Variants in PACRG observed in about 807,000 individuals in gnomAD.
PACRG encodes the protein parkin coregulated.
PACRG carries 29 observed loss-of-function variants against 29.7 expected under a neutral mutation model. That is an observed-to-expected ratio of 0.98 (90% CI 0.73 to 1.33). PACRG has a LOEUF of 1.33. PACRG is among the 40% of genes most tolerant of loss of function. The probability of loss-of-function intolerance (pLI) is 0.00; values close to 1 mark genes in which losing one functional copy is unlikely to be tolerated. For synonymous variants in PACRG, 116 were observed against 118.7 expected, an observed-to-expected ratio of 0.98 and a Z score of 0.15; for missense variants, 279 against 316.2, an observed-to-expected ratio of 0.88 and a Z score of 0.89.
Position 162,790,012 on chromosome 6 carries a change from A to G in PACRG, c.157-24135A>G, listed in dbSNP as rs552666826. ...ATTTCCAAGTACTGATTTTAGAACT[A>G]GATCTCAAATAGTAGGCAATTTTTG... On this transcript the variant is annotated intron_variant, in intron 1 of 4. Transcript: ENST00000366888. 2.0e-5 allele frequency among the ~76,000 whole-genome samples: 3 copies of G among 152,326 alleles called. No individual in the cohort carries two copies. In the East Asian group the frequency reaches 5.8e-4, roughly 29 times the overall value.
chr6:163,094,565 C>T (rs1167398467), intron 4 of PACRG, among the ~76,000 whole-genome samples: 2 of 152,094 alleles, frequency 1.3e-5, no homozygotes, highest in African/African-American at 4.8e-5. Flanking sequence ...TCCAATTTAC[C>T]AAACTAATCA....
rs141353009 is a variant in PACRG, at chr6:163,303,744, C to T, written c.614-11083C>T. Among the ~76,000 whole-genome samples the T allele has an allele frequency of 3.0e-3, 453 of 152,168 alleles. 1 individual carries two copies. The highest frequency in any genetic ancestry group is 0.01 in the African/African-American group (425 of 41,518). The stretch of plus-strand genomic sequence containing the variant: ...GTAAATGGGACCAGGTGCAGTGGCT[C>T]ATGCCTGTAATCCCAGCACTTTGGG... On this transcript the variant is annotated intron_variant, in intron 4 of 4. Transcript: ENST00000366888.
At chr6:163,233,975 G>A (rs1421270421) in intron 4 of PACRG, among the ~76,000 whole-genome samples, 1 of 152,200 alleles carries the variant, frequency 6.6e-6, no homozygotes, top group Admixed American at 6.5e-5. Context: ...AATAAGAAAT[G>A]CCTGGTGGGA....
At chr6:163,272,930 C>T (rs1310441011) in intron 4 of PACRG, among the ~76,000 whole-genome samples, 3 of 99,800 alleles carry the variant, frequency 3.0e-5, no homozygotes, top group African/African-American at 9.4e-5. Flanking sequence ...CTTGCTCTGT[C>T]GCCCAGGCTG....
chr6:162,779,128 G>A lies in PACRG; in HGVS notation c.157-35019G>A, dbSNP rs139188487. Among the ~76,000 whole-genome samples the A allele has an allele frequency of 2.8e-3, 421 of 152,246 alleles. 2 individuals are homozygous for A. The highest frequency in any genetic ancestry group is 9.6e-3 in the African/African-American group (400 of 41,550). Reference sequence around the variant, plus strand: ...CTCCGACTTATAAGCAAGAACACGCGGTGTTTGGTTTTCTGTTCCTGCGTT... The same window carrying A: ...CTCCGACTTATAAGCAAGAACACGCAGTGTTTGGTTTTCTGTTCCTGCGTT... On this transcript the variant is annotated intron_variant, in intron 1 of 4. Transcript: ENST00000366888.
chr6:163,172,437 A>G (rs1408537139), intron 4 of PACRG, among the ~76,000 whole-genome samples: 2 of 152,220 alleles, frequency 1.3e-5, no homozygotes, highest in Non-Finnish European at 2.9e-5. Flanking sequence ...CCCCAGAGAA[A>G]GCCTCTTTGA....
In PACRG at chr6:162,964,805, C is replaced by T. The variant is rs559127963; in HGVS notation, c.292-97345C>T. ...AGTGACTCACTAAGTCACTGACCCC[C>T]AGGATCAGAATTATGGGTTTAGAAA... On this transcript the variant is annotated intron_variant, in intron 2 of 4. Coordinates refer to ENST00000366888, the MANE Select transcript of PACRG (RefSeq NM_001080379.2). 8.5e-5 allele frequency among the ~76,000 whole-genome samples: 13 copies of T among 152,302 alleles called. 1 individual carries two copies. The highest frequency in any genetic ancestry group is 8.5e-4 in the Admixed American group (13 of 15,308).
At chr6:162,944,006 G>T (rs1006530566) in intron 2 of PACRG, among the ~76,000 whole-genome samples, 1 of 152,148 alleles carries the variant, frequency 6.6e-6, no homozygotes, top group Non-Finnish European at 1.5e-5. Flanking sequence ...GCCACCTGGA[G>T]GCCCAAGAAT....
At chr6:162,765,141 T>C (rs564677857) in intron 1 of PACRG, among the ~76,000 whole-genome samples, 3 of 152,252 alleles carry the variant, frequency 2.0e-5, no homozygotes, top group East Asian at 1.9e-4. Flanking sequence ...TTCATAAATC[T>C]ATTATCTATC....
intron 4 of PACRG, among the ~76,000 whole-genome samples, chr6:163,132,847 A>G (rs1020544068): frequency 2.6e-5 from 4 of 152,210 alleles, no homozygotes; most frequent in Non-Finnish European, 4.4e-5. Flanking sequence ...AATAACATCA[A>G]TTGGATGTGC....
chr6:163,245,891 G>A (rs564479042), intron 4 of PACRG, among the ~76,000 whole-genome samples: 3 of 152,246 alleles, frequency 2.0e-5, no homozygotes, highest in Admixed American at 2.0e-4. Context: ...TTATCTTGAA[G>A]TCCTCATTCC....
intron 4 of PACRG, among the ~76,000 whole-genome samples, chr6:163,091,399 A>G (rs1387173264): frequency 6.6e-6 from 1 of 152,236 alleles, no homozygotes; most frequent in South Asian, 2.1e-4. Flanking sequence ...ATAAATCCCT[A>G]GTAAGATTTT....
At chr6:162,791,546 G>A (rs9355403) in intron 1 of PACRG, among the ~76,000 whole-genome samples, 27,433 of 151,996 alleles carry the variant, frequency 0.18, 3,051 homozygotes, top group East Asian at 0.47. Flanking sequence ...ATTCCTATTT[G>A]CCTTGTTCAC....
intron 4 of PACRG, among the ~76,000 whole-genome samples, chr6:163,311,178 A>T (rs1275743812): frequency 6.6e-6 from 1 of 152,212 alleles, no homozygotes; most frequent in Non-Finnish European, 1.5e-5. Flanking sequence ...GCATGGAGGG[A>T]TCTCCAAGAA....
chr6:163,258,584 T>C (rs1399143136), intron 4 of PACRG, among the ~76,000 whole-genome samples: 3 of 151,932 alleles, frequency 2.0e-5, no homozygotes, highest in Non-Finnish European at 4.4e-5. Flanking sequence ...GGTGAAACCC[T>C]GTCTCTACTA....
intron 3 of PACRG, among the ~76,000 whole-genome samples, chr6:163,082,898 G>A (rs568572473): frequency 3.3e-5 from 5 of 151,968 alleles, no homozygotes; most frequent in Non-Finnish European, 5.9e-5. Flanking sequence ...ACAATGCTTT[G>A]TGCACATTTG....
intron 4 of PACRG, among the ~76,000 whole-genome samples, chr6:163,172,958 T>C (rs1779157188): frequency 6.6e-6 from 1 of 152,260 alleles, no homozygotes. Flanking sequence ...CATGTTTTGT[T>C]CTCATAATGG....
chr6:163,286,661 T>C (rs565992935), intron 4 of PACRG, among the ~76,000 whole-genome samples: 8 of 152,338 alleles, frequency 5.3e-5, no homozygotes, highest in African/African-American at 1.7e-4. Flanking sequence ...TACCTCCTAA[T>C]GTGAGCCTTG....
At chr6:163,179,926 C>A (rs1031425641) in intron 4 of PACRG, among the ~76,000 whole-genome samples, 4 of 152,194 alleles carry the variant, frequency 2.6e-5, no homozygotes, top group Admixed American at 2.6e-4. Flanking sequence ...CCGCCAGGCA[C>A]CCCGTCCAGT....
Sources: gnomAD v4.1 joint callset for allele counts (sites outside exome capture counted in the v4.1 genomes callset) on GRCh38, gnomAD v4.1.1 for gene constraint, MANE v1.5 for transcripts, NCBI Gene and HGNC (gene_info 2026-07-23, HGNC 2026-07-21) for gene names.